The following RAB8B variants were observed in gnomAD, a reference collection of about 807,000 sequenced individuals.
RAB8B encodes ras-related protein Rab-8B.
A neutral mutation model predicts 32.0 loss-of-function variants in RAB8B; 11 were observed. That is an observed-to-expected ratio of 0.34 (90% confidence interval 0.22 to 0.57). The LOEUF (loss-of-function observed/expected upper bound fraction) is 0.57. Among genes scored for constraint, RAB8B ranks in the 20% least tolerant of loss-of-function variants. RAB8B has a pLI of 0.86. For synonymous variants in RAB8B, 103 were observed against 89.6 expected (o/e 1.15, Z -0.85); for missense variants, 190 against 258.5 (o/e 0.73, Z 1.82).
chr15:63,211,833 T>C (rs771996815), intron 1 of RAB8B, among the ~76,000 whole-genome samples: 1 of 152,056 alleles, frequency 6.6e-6, no homozygotes, highest in Non-Finnish European at 1.5e-5. Flanking sequence ...GAGCCCTGTG[T>C]TTTTTTCTTT....
intron 1 of RAB8B, among the ~76,000 whole-genome samples, chr15:63,241,775 A>G (rs2038034037): frequency 6.6e-6 from 1 of 152,080 alleles, no homozygotes; most frequent in Admixed American, 6.6e-5. Context: ...AAGAGAGGTA[A>G]AGGATAGAGG....
At chr15:63,213,259 G>A (rs1472191230) in intron 1 of RAB8B, among the ~76,000 whole-genome samples, 1 of 152,120 alleles carries the variant, frequency 6.6e-6, no homozygotes, top group Non-Finnish European at 1.5e-5. Context: ...AATCTGATAA[G>A]GACAAATGTC....
At chr15:63,256,445 T>G (rs767993288) in intron 4 of RAB8B, 60 bp from the exon 5 acceptor site, 14 of 1,213,750 alleles carry the variant, frequency 1.2e-5, no homozygotes, top group Non-Finnish European at 1.5e-5. Flanking sequence ...GTTGGATTTG[T>G]CTATTAAGTA....
At chr15:63,210,652 G>T (rs1045971269) in intron 1 of RAB8B, among the ~76,000 whole-genome samples, 2 of 152,180 alleles carry the variant, frequency 1.3e-5, no homozygotes, top group Admixed American at 1.3e-4. Flanking sequence ...ACGTGGCAGG[G>T]TTTCTGACAT....
At chr15:63,201,928 T>TA (rs1429563598) in intron 1 of RAB8B, among the ~76,000 whole-genome samples, 1 of 151,842 alleles carries the variant, frequency 6.6e-6, no homozygotes, top group East Asian at 1.9e-4. Flanking sequence ...GTTGGGCACT[T>TA]ACCCATAGGA....
chr15:63,247,959 A>G (rs1000397078), intron 2 of RAB8B, among the ~76,000 whole-genome samples: 119 of 152,200 alleles, frequency 7.8e-4, no homozygotes, highest in African/African-American at 2.8e-3. Context: ...ATCCATTGGT[A>G]TTGAACAAGA....
intron 1 of RAB8B, among the ~76,000 whole-genome samples, chr15:63,204,057 C>T (rs369329123): frequency 5.3e-5 from 8 of 152,006 alleles, no homozygotes; most frequent in African/African-American, 1.9e-4. Flanking sequence ...GGGCCTATCA[C>T]GCAGTCAGGC....
chr15:63,259,402 G>C lies in RAB8B; in HGVS notation c.415-225G>C, dbSNP rs1385760610. Among the ~76,000 whole-genome samples, 1 of 152,018 alleles carries C rather than the reference G, an allele frequency of 6.6e-6. No homozygotes were observed. The highest frequency in any genetic ancestry group is 1.5e-5 in the Non-Finnish European group (1 of 67,990). ...CCAAAGTGCGTGAGCCACCATGCCC[G>C]GCCTTAAATTATGTTTGAAATGGAA... On this transcript the variant is annotated intron_variant, in intron 5 of 7. Coordinates refer to ENST00000321437, the MANE Select transcript of RAB8B (RefSeq NM_016530.3). This position sits in a 1 kb window ranked among gnomAD's most constrained non-coding sequence, Gnocchi z 4.4.
intron 3 of RAB8B, among the ~76,000 whole-genome samples, chr15:63,254,708 C>A (rs927922911): frequency 6.6e-6 from 1 of 152,006 alleles, no homozygotes; most frequent in African/African-American, 2.4e-5. Flanking sequence ...GTCAGGAGAT[C>A]GAAACCATCC....
At chr15:63,239,790 A>T (rs2038016681) in intron 1 of RAB8B, among the ~76,000 whole-genome samples, 1 of 152,186 alleles carries the variant, frequency 6.6e-6, no homozygotes. Context: ...CTACCCTTTA[A>T]TTTAGTTACT....
chr15:63,229,432 AT>A (rs1010694869), intron 1 of RAB8B, among the ~76,000 whole-genome samples: 16 of 152,294 alleles, frequency 1.1e-4, no homozygotes, highest in African/African-American at 3.1e-4. Context: ...ACTTTGAAAA[AT>A]ATTCCTGAGG....
Position 63,265,340 on chromosome 15 carries a change from A to G in RAB8B, c.*1721A>G, listed in dbSNP as rs918579943. On this transcript the variant is annotated 3_prime_UTR_variant, in exon 8 of 8. Coordinates refer to ENST00000321437, the MANE Select transcript of RAB8B (RefSeq NM_016530.3). This position sits in a 1 kb window ranked among gnomAD's most constrained non-coding sequence, Gnocchi z 4.9. ...TGCCCAAGCTATTTTTAATAGATATACTAAACTTATTGTTGACAAATTTCA... is the reference window on the plus strand; with the variant it reads ...TGCCCAAGCTATTTTTAATAGATATGCTAAACTTATTGTTGACAAATTTCA... 6.6e-6 allele frequency: 1 copy of G among 152,012 alleles called. No individual in the cohort carries two copies. The highest frequency in any genetic ancestry group is 6.6e-5 in the Admixed American group (1 of 15,256). 9.4% of individuals were successfully genotyped at this position (152,012 alleles called of 1,614,324 possible). A position where few individuals can be genotyped will look rare whatever the true frequency, so the allele number is the denominator to read the frequency against.
At chr15:63,243,951 G>A (rs1411597592) in intron 1 of RAB8B, among the ~76,000 whole-genome samples, 1 of 152,146 alleles carries the variant, frequency 6.6e-6, no homozygotes, top group Non-Finnish European at 1.5e-5. Flanking sequence ...TGTAGGAGGA[G>A]CAGGACTAAC....
At chr15:63,252,343 C>T (rs775683674) in intron 3 of RAB8B, among the ~76,000 whole-genome samples, 19 of 151,994 alleles carry the variant, frequency 1.3e-4, no homozygotes, top group Admixed American at 1.2e-3. Flanking sequence ...AATGATCAAG[C>T]GTGGAAGAAG....
chr15:63,231,191 CT>C (rs912422447), intron 1 of RAB8B, among the ~76,000 whole-genome samples: 3 of 152,088 alleles, frequency 2.0e-5, no homozygotes, highest in African/African-American at 4.8e-5. Flanking sequence ...TTAATTTTTT[CT>C]TTTTAAGAAT....
chr15:63,227,326 C>T (rs867475517), intron 1 of RAB8B, among the ~76,000 whole-genome samples: 5 of 152,136 alleles, frequency 3.3e-5, no homozygotes, highest in Non-Finnish European at 7.3e-5. Flanking sequence ...AAACTGTGAC[C>T]ACTAGATACA....
intron 1 of RAB8B, among the ~76,000 whole-genome samples, chr15:63,223,473 C>T (rs1037003569): frequency 1.3e-5 from 2 of 152,176 alleles, no homozygotes; most frequent in Non-Finnish European, 2.9e-5. Flanking sequence ...TATGTTTAAA[C>T]ACACAAATAC....
intron 1 of RAB8B, among the ~76,000 whole-genome samples, chr15:63,190,337 A>G (rs2037545563): frequency 6.6e-6 from 1 of 152,126 alleles, no homozygotes; most frequent in Admixed American, 6.5e-5. Flanking sequence ...GAGATGTCGT[A>G]GGAGGGGACA....
At chr15:63,224,471 T>C (rs533805846) in intron 1 of RAB8B, among the ~76,000 whole-genome samples, 18 of 152,270 alleles carry the variant, frequency 1.2e-4, no homozygotes, top group South Asian at 4.2e-4. Flanking sequence ...ATTTCAATCA[T>C]ATGAGTGGAA....
Sources: gnomAD v4.1 joint callset for allele counts (sites outside exome capture counted in the v4.1 genomes callset) on GRCh38, gnomAD v4.1.1 for gene constraint, Gnocchi (gnomAD v3.1) non-coding constraint, MANE v1.5 for transcripts, NCBI Gene and HGNC (gene_info 2026-07-23, HGNC 2026-07-21) for gene names.